The following PLIN2 variants were observed in gnomAD, a reference collection of about 807,000 sequenced individuals.
The protein encoded by PLIN2 is perilipin-2.
Under a neutral mutation model 30.6 loss-of-function variants are expected in PLIN2, and 33 were observed. The observed-to-expected ratio is 1.08, with a 90% confidence interval of 0.82 to 1.44. The LOEUF (loss-of-function observed/expected upper bound fraction) is 1.44, where lower values mean the gene tolerates loss of function less well. Ranked by LOEUF, PLIN2 falls within the 40% of genes most tolerant of loss-of-function variation. PLIN2 has a pLI of 0.00. For synonymous variants in PLIN2, 205 were observed against 201.1 expected, an observed-to-expected ratio of 1.02 and a Z score of -0.16; for missense variants, 610 against 531.8, an observed-to-expected ratio of 1.15 and a Z score of -1.45.
chr9:19,126,372 G>T, intron 2 of PLIN2, 25 bp downstream of exon 2: 2 of 1,613,920 alleles, frequency 1.2e-6, no homozygotes, highest in Non-Finnish European at 1.7e-6. Flanking sequence ...AGAGAAAGTA[G>T]ACAAAGGCTA....
chr9:19,116,400 C>G lies in PLIN2; in HGVS notation c.1162G>C (p.Val388Leu), dbSNP rs770127381. Residue 388 changes from valine (V) to leucine (L), a missense_variant, in exon 8 of 8, where the codon GTG (valine) becomes CTG (leucine). By Grantham distance (32) the Val-to-Leu change is conservative. Transcript: ENST00000276914. ...LQKMKESLDD[V>L]MDYLVNNTPL... ...GTGTTGTTAACAAGATAATCCATCA[C>G]GTCATCTAAAGATTCCTTCATTTTC... is the stretch of plus-strand genomic sequence containing the variant. 8.1e-6 allele frequency: 13 copies of G among 1,614,200 alleles called. No homozygotes were observed. The highest frequency in any genetic ancestry group is 2.2e-5 in the South Asian group (2 of 91,086).
downstream of PLIN2, among the ~76,000 whole-genome samples, chr9:19,113,834 G>T (rs1462713915): frequency 8.7e-5 from 13 of 149,710 alleles, no homozygotes; most frequent in Non-Finnish European, 1.3e-4. Context: ...GAGTGCAATG[G>T]CGCAATCTCA....
At chr9:19,115,235 TTTTAA>T (rs1818203697), downstream of PLIN2, among the ~76,000 whole-genome samples, 1 of 152,180 alleles carries the variant, frequency 6.6e-6, no homozygotes, top group South Asian at 2.1e-4. Flanking sequence ...GCACATTAGC[TTTTAA>T]TTTGTTTTAA....
intron 5 of PLIN2, among the ~76,000 whole-genome samples, 195 bp downstream of exon 5, chr9:19,120,685 A>T (rs547433362): frequency 6.6e-6 from 1 of 152,256 alleles, no homozygotes; most frequent in Non-Finnish European, 1.5e-5. Flanking sequence ...TCTCTATAAA[A>T]TTAAATTAAA....
chr9:19,113,900 G>A (rs990164159), downstream of PLIN2, among the ~76,000 whole-genome samples: 37 of 150,744 alleles, frequency 2.5e-4, no homozygotes, highest in African/African-American at 8.5e-4. Flanking sequence ...TCAGCCTCCC[G>A]AGGAGCTGGG....
rs1192545782 is a variant in PLIN2, at chr9:19,123,574, T to C, written c.300A>G (p.Pro100=). 3 of 1,614,244 alleles carry C rather than the reference T, an allele frequency of 1.9e-6. No individual in the cohort carries two copies. The highest frequency in any genetic ancestry group is 2.5e-6 in the Non-Finnish European group (3 of 1,180,030). The change falls in exon 4 of 8, where the codon CCA becomes CCG. Residue 100 remains proline, a synonymous_variant. Coordinates refer to ENST00000276914, the MANE Select transcript of PLIN2 (RefSeq NM_001122.4). ...IEERLPILNQ[P]STQIVANAKG... is the part of the protein sequence containing the mutation. ...TTTGTCCCAAGCTCACCTGAGTTGA[T>C]GGCTGATTCAGAATAGGCAGTCTCT...
Position 19,122,837 on chromosome 9 carries a change from C to G in PLIN2, c.309+728G>C, listed in dbSNP as rs140874065. On this transcript the variant is annotated intron_variant, in intron 4 of 7. Transcript: ENST00000276914. ...GAATCATCCCAAAAACACCACCCAC[C>G]CCCTGCTGGTCCATGGAAAAACTGT... Among the ~76,000 whole-genome samples, 944 of 152,198 alleles carry G rather than the reference C, an allele frequency of 6.2e-3. 3 individuals carry two copies. The highest frequency in any genetic ancestry group is 0.016 in the South Asian group (78 of 4,820).
chr9:19,116,076 T>C lies in PLIN2; in HGVS notation c.*172A>G. 1 of 549,270 alleles carries C rather than the reference T, an allele frequency of 1.8e-6. No individual in the cohort carries two copies. The highest frequency in any genetic ancestry group is 3.1e-6 in the Non-Finnish European group (1 of 322,894). 34.0% of individuals were successfully genotyped at this position (549,270 alleles called of 1,614,324 possible). Reference sequence around the variant, plus strand: ...TTTCTTACCAGGTGAACAGAAATCATCTGCTAATGCCAGAAACTTTAAAGC... The same window carrying C: ...TTTCTTACCAGGTGAACAGAAATCACCTGCTAATGCCAGAAACTTTAAAGC... On this transcript the variant is annotated 3_prime_UTR_variant, in exon 8 of 8. Coordinates refer to ENST00000276914, the MANE Select transcript of PLIN2 (RefSeq NM_001122.4).
chr9:19,111,353 T>A (rs955538077), downstream of PLIN2, among the ~76,000 whole-genome samples: 1 of 152,176 alleles, frequency 6.6e-6, no homozygotes. Flanking sequence ...TGGGCAATTT[T>A]TACAATTAAA....
chr9:19,125,898 G>C, intron 3 of PLIN2: 1 of 454,148 alleles, frequency 2.2e-6, no homozygotes, highest in East Asian at 3.5e-5. Flanking sequence ...ACTCCAGCCT[G>C]AGTGATAGAG....
downstream of PLIN2, among the ~76,000 whole-genome samples, chr9:19,112,181 G>C (rs1206315663): frequency 6.6e-6 from 1 of 152,106 alleles, no homozygotes; most frequent in East Asian, 1.9e-4. Flanking sequence ...TTTTTGCATA[G>C]GACAAACTAG....
At chr9:19,115,648 C>G (rs1818210213), downstream of PLIN2, 1 of 152,222 alleles carries the variant, frequency 6.6e-6, no homozygotes, top group African/African-American at 2.4e-5. Context: ...TGTTCTCACT[C>G]TGCCAAACTC....
intron 4 of PLIN2, chr9:19,123,267 C>A: frequency 8.2e-7 from 1 of 1,225,892 alleles, no homozygotes; most frequent in Non-Finnish European, 1.1e-6. Context: ...TATTTAATAC[C>A]ACAAGACAAT....
chr9:19,124,944 CATT>C (rs1010553749), intron 3 of PLIN2, among the ~76,000 whole-genome samples: 1 of 152,114 alleles, frequency 6.6e-6, no homozygotes, highest in African/African-American at 2.4e-5. Flanking sequence ...ACTTTGAAAA[CATT>C]ATGCTTAACG....
downstream of PLIN2, among the ~76,000 whole-genome samples, chr9:19,115,001 T>C (rs991717293): frequency 6.6e-6 from 1 of 152,160 alleles, no homozygotes; most frequent in African/African-American, 2.4e-5. Context: ...GTGAAGAATC[T>C]CCCTTTAGGA....
At position 19,116,195 on chromosome 9, in the gene PLIN2, A is replaced by G. The variant is rs1818218302; in HGVS notation, c.*53T>C. 1 of 1,492,774 alleles carries G rather than the reference A, an allele frequency of 6.7e-7. No individual in the cohort carries two copies. The highest frequency in any genetic ancestry group is 1.4e-5 in the African/African-American group (1 of 71,348). The allele number at this position is 1,492,774 out of a possible 1,614,324, so 92.5% of individuals were successfully genotyped here. Reference sequence around the variant, plus strand: ...TTGCCTAGCAAGTTAATTTCAACATAACAAAAGGTGTCATCTGTCTGGCCA... The same window carrying G: ...TTGCCTAGCAAGTTAATTTCAACATGACAAAAGGTGTCATCTGTCTGGCCA... On this transcript the variant is annotated 3_prime_UTR_variant, in exon 8 of 8. Coordinates refer to ENST00000276914, the MANE Select transcript of PLIN2 (RefSeq NM_001122.4).
downstream of PLIN2, among the ~76,000 whole-genome samples, chr9:19,115,356 A>G (rs1265368482): frequency 2.7e-5 from 4 of 145,650 alleles, no homozygotes; most frequent in Non-Finnish European, 6.0e-5. Flanking sequence ...CGCCCAGGCC[A>G]GAGCGCAGTG....
Position 19,119,667 on chromosome 9 carries a change from G to A in PLIN2, c.760C>T (p.His254Tyr), listed in dbSNP as rs1182340269. ...TTACTCACCAGGTGAACAGTAGAAT[G>A]GAGCTGAGAAATGGTCTGTTGGCTT... ...QKSQQTISQLHSTVHLIEFAR... is the reference protein window; with the variant it reads ...QKSQQTISQLYSTVHLIEFAR... The change falls in exon 6 of 8, where the codon CAT (histidine) becomes TAT (tyrosine). Residue 254 changes from histidine to tyrosine, a missense_variant. Transcript: ENST00000276914. 1.9e-6 allele frequency: 3 copies of A among 1,595,822 alleles called. No homozygotes were observed. Among genetic ancestry groups the A allele is most frequent in the Non-Finnish European group, 2.6e-6 (3 of 1,169,506 alleles).
chr9:19,112,374 C>A (rs1489752533), downstream of PLIN2, among the ~76,000 whole-genome samples: 1 of 152,046 alleles, frequency 6.6e-6, no homozygotes, highest in East Asian at 1.9e-4. Context: ...TCTGTAAAAC[C>A]AAAATTTTCT....
Sources: allele counts gnomAD v4.1 joint callset (sites outside exome capture counted in the v4.1 genomes callset), GRCh38; gene constraint gnomAD v4.1.1; transcripts MANE v1.5; gene names NCBI Gene and HGNC (gene_info 2026-07-23, HGNC 2026-07-21).